FUT6: variants seen among roughly 807,000 people sequenced by gnomAD.
FUT6 encodes fucosyltransferase 6.
For synonymous variants in FUT6, 187 were observed against 209.9 expected (o/e 0.89, Z 0.94); for missense variants, 454 against 494.6 (o/e 0.92, Z 0.78).
Position 5,832,562 on chromosome 19 carries a change from A to G in FUT6, c.6T>C (p.Asp2=). The change falls in exon 3 of 3, where the codon GAT becomes GAC. Residue 2 remains aspartate (D), a synonymous_variant. Coordinates refer to ENST00000318336, the MANE Select transcript of FUT6 (RefSeq NM_000150.4). This position sits in a 1 kb window ranked among gnomAD's most constrained non-coding sequence, Gnocchi z 4.3. ...ACTGTGGCTTGGCCGGGCCCAGGGG[A>G]TCCATGGGTCAGAGTATCTGGGAAG... M[D]PLGPAKPQWS... 6.2e-7 allele frequency: 1 copy of G among 1,612,762 alleles called. No individual in the cohort carries two copies. The highest frequency in any genetic ancestry group is 1.1e-5 in the South Asian group (1 of 91,060).
chr19:5,834,879 C>G (rs2057158851), intron 2 of FUT6, 71 bp downstream of exon 2: 1 of 152,140 alleles, frequency 6.6e-6, no homozygotes, highest in Non-Finnish European at 1.5e-5. Context: ...GGCGGGAAAC[C>G]GGGGCCACCT....
Position 5,832,166 on chromosome 19 carries a change from G to A in FUT6, c.402C>T (p.Phe134=), listed in dbSNP as rs771670401. ...PRRQGQRWIW[F]SMESPSHCWQ... ...AGCAGTGGCTTGGGGACTCCATGCT[G>A]AACCAGATCCATCGCTGCCCCTGCC... The change falls in exon 3 of 3, where the codon TTC becomes TTT. Residue 134 remains phenylalanine, a synonymous_variant. Transcript: ENST00000318336. This position sits in a 1 kb window ranked among gnomAD's most constrained non-coding sequence, Gnocchi z 4.3. 5 of 1,613,786 alleles carry A rather than the reference G, an allele frequency of 3.1e-6. No homozygotes were observed. In the African/African-American group the frequency reaches 5.3e-5, roughly 17 times the overall value.
At position 5,830,985 on chromosome 19, in the gene FUT6, ACAT is replaced by A. The variant is rs545838381; in HGVS notation, c.*500_*502del. ...CTGCACCCCTCACAGGCGGCTAACA[ACAT>A]CACAAACAAATCAGCCAGAACCATC... is the stretch of plus-strand genomic sequence containing the variant. On this transcript the variant is annotated 3_prime_UTR_variant, in exon 3 of 3. Coordinates refer to ENST00000318336, the MANE Select transcript of FUT6 (RefSeq NM_000150.4). 1.2e-4 allele frequency: 49 copies of A among 407,254 alleles called. No homozygotes were observed. Among genetic ancestry groups the A allele is most frequent in the African/African-American group, 8.9e-4 (44 of 49,346 alleles). 25.2% of individuals were successfully genotyped at this position (407,254 alleles called of 1,614,324 possible). A position where few individuals can be genotyped will look rare whatever the true frequency, so the allele number is the denominator to read the frequency against.
chr19:5,837,330 G>C (rs1054521825), intron 1 of FUT6, among the ~76,000 whole-genome samples: 1 of 151,256 alleles, frequency 6.6e-6, no homozygotes, highest in East Asian at 1.9e-4. Context: ...GAGTCACCAC[G>C]CCCAGCCTCA....
At chr19:5,834,118 C>G (rs892594992) in intron 2 of FUT6, among the ~76,000 whole-genome samples, 1 of 149,360 alleles carries the variant, frequency 6.7e-6, no homozygotes, top group Non-Finnish European at 1.5e-5. Flanking sequence ...GGTGACAGAG[C>G]GAGACCCTGT....
chr19:5,833,457 C>A (rs1195502207), intron 2 of FUT6, among the ~76,000 whole-genome samples: 11 of 150,530 alleles, frequency 7.3e-5, no homozygotes, highest in East Asian at 1.9e-4. Flanking sequence ...CCGCTGCACT[C>A]CAGCCTGGGC....
chr19:5,833,939 G>A (rs372195047), intron 2 of FUT6, among the ~76,000 whole-genome samples: 25 of 151,842 alleles, frequency 1.6e-4, no homozygotes, highest in African/African-American at 4.8e-4. Context: ...TGAGACCAGC[G>A]TGGTCAACAT....
At chr19:5,836,845 A>AAAATAAAT (rs145275499) in intron 1 of FUT6, among the ~76,000 whole-genome samples, 1 of 151,000 alleles carries the variant, frequency 6.6e-6, no homozygotes, top group Non-Finnish European at 1.5e-5. Context: ...ACCGTGTCTC[A>AAAATAAAT]AAATAAATAA....
rs756266523 is a variant in FUT6, at chr19:5,831,611, A to C, written c.957T>G (p.Phe319Leu). The change falls in exon 3 of 3, where the codon TTT (phenylalanine) becomes TTG (leucine). Residue 319 changes from phenylalanine (F) to leucine (L), a missense_variant. Phe to Leu is a conservative substitution (Grantham distance 22). Transcript: ENST00000318336. This position sits in a 1 kb window ranked among gnomAD's most constrained non-coding sequence, Gnocchi z 7.0. ...GAGGCCGCAGCGTCTCCCGCCAGCG[A>C]AAGTAGCTCAGGTAGCGGGCGTGGT... ...DKDHARYLSYFRWRETLRPRS... is the reference protein window; with the variant it reads ...DKDHARYLSYLRWRETLRPRS... The C allele has an allele frequency of 1.9e-6, 3 of 1,614,030 alleles. No individual in the cohort carries two copies. Among genetic ancestry groups the C allele is most frequent in the Non-Finnish European group, 2.5e-6 (3 of 1,179,994 alleles).
chr19:5,837,740 T>A (rs1568409165), intron 1 of FUT6: 2 of 152,190 alleles, frequency 1.3e-5, no homozygotes. Context: ...CACTCCAGCC[T>A]GGGCAACAGA....
rs1351194860 is a variant in FUT6 at position 5,831,527 on chromosome 19, G to A, written c.1041C>T (p.Ser347=). ...CKACWKLQEE[S]RYQTRGIAAW... ...CCGCTATGCCGCGTGTCTGGTACCT[G>A]GATTCCTCCTGCAGTTTCCAGCAGG... The change falls in exon 3 of 3, where the codon TCC becomes TCT. Residue 347 remains serine, a synonymous_variant. Coordinates refer to ENST00000318336, the MANE Select transcript of FUT6 (RefSeq NM_000150.4). This position sits in a 1 kb window ranked among gnomAD's most constrained non-coding sequence, Gnocchi z 7.0. 2 of 1,614,136 alleles carry A rather than the reference G, an allele frequency of 1.2e-6. No homozygotes were observed. The highest frequency in any genetic ancestry group is 1.1e-5 in the South Asian group (1 of 91,084).
chr19:5,832,138 G>T lies in FUT6; in HGVS notation c.430C>A (p.Gln144Lys), dbSNP rs747112285. Reference protein sequence around the residue: ...FSMESPSHCWQLKAMDGYFNL... With the variant: ...FSMESPSHCWKLKAMDGYFNL... Reference sequence around the variant, plus strand: ...AAGTATCCGTCCATGGCTTTCAGCTGCCAGCAGTGGCTTGGGGACTCCATG... The same window carrying T: ...AAGTATCCGTCCATGGCTTTCAGCTTCCAGCAGTGGCTTGGGGACTCCATG... The change falls in exon 3 of 3, where the codon CAG (glutamine) becomes AAG (lysine). Residue 144 changes from glutamine to lysine, a missense_variant. By Grantham distance (53) the Gln-to-Lys change is moderately conservative. Coordinates refer to ENST00000318336, the MANE Select transcript of FUT6 (RefSeq NM_000150.4). This position sits in a 1 kb window ranked among gnomAD's most constrained non-coding sequence, Gnocchi z 4.3. The T allele has an allele frequency of 5.0e-6, 8 of 1,613,972 alleles. No individual in the cohort carries two copies. In the East Asian group the frequency reaches 1.8e-4, roughly 36 times the overall value.
Position 5,832,226 on chromosome 19 carries a change from G to T in FUT6, c.342C>A (p.Tyr114Ter). 6.2e-7 allele frequency: 1 copy of T among 1,614,050 alleles called. No homozygotes were observed. Among genetic ancestry groups the T allele is most frequent in the Non-Finnish European group, 8.5e-7 (1 of 1,180,026 alleles). ...AGCGTGGGAGCTGGGCACTGGGGTT[G>T]TACATGACCTCTCGGTGGTGCACGA... is the stretch of plus-strand genomic sequence containing the variant. The part of the protein sequence containing the change: ...AVIVHHREVM[Y>*]NPSAQLPRSP... The change falls in exon 3 of 3, where the codon TAC becomes TAA. Residue 114 changes from tyrosine (Y) to a stop codon, truncating the protein, a stop_gained. Coordinates refer to ENST00000318336, the MANE Select transcript of FUT6 (RefSeq NM_000150.4). LOFTEE classifies it low-confidence loss of function (END_TRUNC). This position sits in a 1 kb window ranked among gnomAD's most constrained non-coding sequence, Gnocchi z 4.3.
intron 1 of FUT6, chr19:5,838,350 G>A (rs2057210119): frequency 6.6e-6 from 1 of 152,196 alleles, no homozygotes; most frequent in African/African-American, 2.4e-5. Context: ...GGGGTCGGGG[G>A]GCACGGGATT....
At position 5,832,622 on chromosome 19, in the gene FUT6, C is replaced by A; in HGVS notation, c.-12-43G>T. On this transcript the variant is annotated intron_variant, in intron 2 of 2. Transcript: ENST00000318336. This position sits in a 1 kb window ranked among gnomAD's most constrained non-coding sequence, Gnocchi z 4.3. ...AGGAGTGAGGGTCATTGATGACAATCTCCTGCTTACCAAAGCTCCAGGCCA... is the reference window on the plus strand; with the variant it reads ...AGGAGTGAGGGTCATTGATGACAATATCCTGCTTACCAAAGCTCCAGGCCA... 7.7e-6 allele frequency: 11 copies of A among 1,422,438 alleles called. No homozygotes were observed. Among genetic ancestry groups the A allele is most frequent in the Non-Finnish European group, 1.1e-5 (11 of 1,007,254 alleles). The allele number at this position is 1,422,438 out of a possible 1,614,324, so 88.1% of individuals were successfully genotyped here.
chr19:5,831,975 T>G lies in FUT6; in HGVS notation c.593A>C (p.Asn198Thr), dbSNP rs751160349. 1.2e-6 allele frequency: 2 copies of G among 1,613,914 alleles called. No individual in the cohort carries two copies. Among genetic ancestry groups the G allele is most frequent in the Admixed American group, 1.7e-5 (1 of 60,010 alleles). ...KTELVAWAVS[N>T]WGPNSARVRY... ...CACCCTGGCGGAGTTTGGCCCCCAG[T>G]TGGACACTGCCCAGGCCACCAGCTC... The change falls in exon 3 of 3, where the codon AAC becomes ACC. Residue 198 changes from asparagine (N) to threonine (T), a missense_variant. Physicochemically the swap from Asn to Thr is moderately conservative, Grantham distance 65 (BLOSUM62 0). Transcript: ENST00000318336. This position sits in a 1 kb window ranked among gnomAD's most constrained non-coding sequence, Gnocchi z 7.0.
In FUT6 at chr19:5,831,758, G is replaced by A. The variant is rs150055699; in HGVS notation, c.810C>T (p.Pro270=). The A allele has an allele frequency of 8.0e-4, 1,296 of 1,613,194 alleles. 6 individuals are homozygous for A. In the African/African-American group the frequency reaches 0.014, roughly 18 times the overall value. ...WRNALEAWAV[P]VVLGPSRSNY... The stretch of plus-strand genomic sequence containing the variant: ...TGCTTCTGCTGGGGCCCAGCACCAC[G>A]GGCACGGCCCAGGCCTCCAGGGCGT... The change falls in exon 3 of 3, where the codon CCC becomes CCT. Residue 270 remains proline (P), a synonymous_variant. Coordinates refer to ENST00000318336, the MANE Select transcript of FUT6 (RefSeq NM_000150.4). This position sits in a 1 kb window ranked among gnomAD's most constrained non-coding sequence, Gnocchi z 7.0.
In FUT6 at chr19:5,831,764, G is replaced by T; in HGVS notation, c.804C>A (p.Ala268=). The change falls in exon 3 of 3, where the codon GCC becomes GCA. Residue 268 remains alanine (A), a synonymous_variant. Coordinates refer to ENST00000318336, the MANE Select transcript of FUT6 (RefSeq NM_000150.4). The surrounding 1 kb of genome is among the most constrained non-coding windows in gnomAD (Gnocchi z 7.0). ...KLWRNALEAW[A]VPVVLGPSRS... is the part of the protein sequence containing the mutation. ...TGCTGGGGCCCAGCACCACGGGCAC[G>T]GCCCAGGCCTCCAGGGCGTTCCTCC... The T allele has an allele frequency of 6.2e-7, 1 of 1,613,324 alleles. No homozygotes were observed. The highest frequency in any genetic ancestry group is 8.5e-7 in the Non-Finnish European group (1 of 1,179,602).
In FUT6 at chr19:5,831,360, T is replaced by A. The variant is rs1485144183; in HGVS notation, c.*128A>T. On this transcript the variant is annotated 3_prime_UTR_variant, in exon 3 of 3. Coordinates refer to ENST00000318336, the MANE Select transcript of FUT6 (RefSeq NM_000150.4). The surrounding 1 kb of genome is among the most constrained non-coding windows in gnomAD (Gnocchi z 7.0). The stretch of plus-strand genomic sequence containing the variant: ...CAGGTGAAGCTGCAACAGGTGACCG[T>A]CCCAGGCAGGTGAGTCCTCAGGCAG... 1 of 1,606,368 alleles carries A rather than the reference T, an allele frequency of 6.2e-7. No homozygotes were observed. The highest frequency in any genetic ancestry group is 1.7e-5 in the Admixed American group (1 of 59,958).
Sources: gnomAD v4.1 joint callset for allele counts (sites outside exome capture counted in the v4.1 genomes callset) on GRCh38, gnomAD v4.1.1 for gene constraint, Gnocchi (gnomAD v3.1) non-coding constraint, MANE v1.5 for transcripts, NCBI Gene and HGNC (gene_info 2026-07-23, HGNC 2026-07-21) for gene names.